Variants in NNT observed in about 807,000 individuals in gnomAD.
The protein encoded by NNT is NAD(P) transhydrogenase, mitochondrial.
A neutral mutation model predicts 104.8 loss-of-function variants in NNT; 50 were observed. That is an observed-to-expected ratio of 0.48 (90% CI 0.38 to 0.60). The LOEUF is 0.60. NNT is among the 20% of genes least tolerant of loss of function. NNT has a pLI of 0.00. For synonymous variants in NNT, 461 were observed against 490.4 expected, an observed-to-expected ratio of 0.94 and a Z score of 0.79; for missense variants, 1,131 against 1,330.7, an observed-to-expected ratio of 0.85 and a Z score of 2.33.
At position 43,631,272 on chromosome 5, in the gene NNT, C is replaced by A. The variant is rs79532812; in HGVS notation, c.964+2885C>A. Among the ~76,000 whole-genome samples the A allele has an allele frequency of 3.6e-3, 541 of 152,172 alleles. 9 individuals are homozygous for A. Among genetic ancestry groups the A allele is most frequent in the African/African-American group, 0.013 (531 of 41,522 alleles). Reference sequence around the variant, plus strand: ...GGAGGTGCATGCAGATCAGACAAACCCCGGACCCAGGATAGTGTTTGTGAA... The same window carrying A: ...GGAGGTGCATGCAGATCAGACAAACACCGGACCCAGGATAGTGTTTGTGAA... On this transcript the variant is annotated intron_variant, in intron 7 of 21. Coordinates refer to ENST00000344920, the MANE Select transcript of NNT (RefSeq NM_182977.3).
chr5:43,614,308 C>T (rs952700293), intron 3 of NNT, among the ~76,000 whole-genome samples: 2 of 152,128 alleles, frequency 1.3e-5, no homozygotes, highest in Non-Finnish European at 2.9e-5. Context: ...ACAGTACTAG[C>T]ATTAACAAAC....
intron 7 of NNT, among the ~76,000 whole-genome samples, chr5:43,637,353 C>A (rs1238426766): frequency 1.3e-5 from 2 of 152,048 alleles, no homozygotes; most frequent in East Asian, 1.9e-4. Context: ...TGTATAAAAA[C>A]CCTTTTGTTA....
intron 17 of NNT, among the ~76,000 whole-genome samples, chr5:43,673,061 G>T (rs1056453812): frequency 1.3e-5 from 2 of 152,240 alleles, no homozygotes; most frequent in African/African-American, 4.8e-5. Flanking sequence ...GCGAGGCTCT[G>T]TGGGCATGGG....
chr5:43,667,258 G>A (rs1283019012), intron 17 of NNT: 9 of 803,112 alleles, frequency 1.1e-5, no homozygotes, highest in Non-Finnish European at 1.5e-5. Context: ...TGCCGGTCCC[G>A]AAGTGCCTAG....
At chr5:43,640,148 A>G (rs1176947265) in intron 7 of NNT, among the ~76,000 whole-genome samples, 1 of 151,996 alleles carries the variant, frequency 6.6e-6, no homozygotes, top group Non-Finnish European at 1.5e-5. Flanking sequence ...TGTCAGAAAG[A>G]TGTGCTTATT....
At chr5:43,613,249 G>A (rs1265469928) in intron 3 of NNT, 112 bp downstream of exon 3, 2 of 830,860 alleles carry the variant, frequency 2.4e-6, no homozygotes, top group Non-Finnish European at 3.7e-6. Flanking sequence ...TTTTCAAACA[G>A]TGTATTTTTC....
At chr5:43,671,235 C>G (rs1449650667) in intron 17 of NNT, among the ~76,000 whole-genome samples, 1 of 152,126 alleles carries the variant, frequency 6.6e-6, no homozygotes, top group African/African-American at 2.4e-5. Flanking sequence ...GACTCTTTAT[C>G]CAATTTGCCA....
intron 15 of NNT, 103 bp from the exon 16 acceptor site, chr5:43,656,550 A>G (rs77528594): frequency 0.041 from 45,117 of 1,109,038 alleles, 1,428 homozygotes; most frequent in African/African-American, 0.15. Flanking sequence ...CAGCATCCTC[A>G]TAATCCTTGG....
rs370183266 is a variant in NNT at position 43,610,970 on chromosome 5, C to T, written c.151+1624C>T. ...AAGTCTATTTTTTCCTTAATATAAC[C>T]ATAAGTTCATTACCATATTGAAAAG... On this transcript the variant is annotated intron_variant, in intron 2 of 21. Coordinates refer to ENST00000344920, the MANE Select transcript of NNT (RefSeq NM_182977.3). 2.6e-5 allele frequency among the ~76,000 whole-genome samples: 4 copies of T among 152,058 alleles called. No homozygotes were observed. The South Asian group carries it at 6.2e-4, about 24-fold the overall frequency.
At chr5:43,701,372 T>C (rs550559965) in intron 20 of NNT, among the ~76,000 whole-genome samples, 1 of 152,320 alleles carries the variant, frequency 6.6e-6, no homozygotes, top group South Asian at 2.1e-4. Context: ...CTTAGGATAA[T>C]GGCCTCCAGC....
rs749072565 is a variant in NNT, at chr5:43,612,971, T to C, written c.215T>C (p.Val72Ala). ...PKEIFQNEKR[V>A]ALSPAGVQNL... ...GAGATATTCCAAAATGAGAAGCGAG[T>C]GGCATTGTCTCCTGCTGGTGTTCAG... Residue 72 changes from valine to alanine, a missense_variant, in exon 3 of 22, where the codon GTG becomes GCG. By Grantham distance (64) the Val-to-Ala change is moderately conservative. Transcript: ENST00000344920. 2.5e-6 allele frequency: 4 copies of C among 1,614,030 alleles called. No individual in the cohort carries two copies. In the East Asian group the frequency reaches 6.7e-5, roughly 27 times the overall value.
At chr5:43,656,964 T>C (rs1251835592) in intron 16 of NNT, 151 bp downstream of exon 16, 2 of 713,424 alleles carry the variant, frequency 2.8e-6, no homozygotes, top group East Asian at 5.6e-5. Flanking sequence ...TTTTAGAATC[T>C]GGAAAACATA....
At chr5:43,656,528 A>G (rs1227073750) in intron 15 of NNT, 125 bp from the exon 16 acceptor site, 20 of 845,834 alleles carry the variant, frequency 2.4e-5, no homozygotes, top group Admixed American at 3.3e-5. Context: ...TTGATAATAT[A>G]TGTGAACTAA....
intron 19 of NNT, among the ~76,000 whole-genome samples, chr5:43,693,973 T>TA (rs1323495986): frequency 6.6e-6 from 1 of 152,198 alleles, no homozygotes; most frequent in African/African-American, 2.4e-5. Context: ...TCAGTGCTAA[T>TA]AAAAAATACC....
chr5:43,668,244 GTTT>G (rs57590117), intron 17 of NNT, among the ~76,000 whole-genome samples: 10 of 138,320 alleles, frequency 7.2e-5, no homozygotes, highest in Non-Finnish European at 1.1e-4. Context: ...TCTGATGGTG[GTTT>G]TTTTTTTTTT....
At chr5:43,635,423 C>T (rs757601449) in intron 7 of NNT, among the ~76,000 whole-genome samples, 35 of 152,250 alleles carry the variant, frequency 2.3e-4, no homozygotes, top group Non-Finnish European at 3.8e-4. Flanking sequence ...ACACATCATT[C>T]TTGCTTTGCA....
At position 43,628,088 on chromosome 5, in the gene NNT, G is replaced by A. The variant is rs535321543; in HGVS notation, c.777-112G>A. The stretch of plus-strand genomic sequence containing the variant: ...TAAGTACGAAATCAAAGGGACTGTT[G>A]ACTTTTGAATATATAGTTTGTTGTT... On this transcript the variant is annotated intron_variant, in intron 6 of 21. Transcript: ENST00000344920. The A allele has an allele frequency of 1.2e-5, 9 of 777,630 alleles. No homozygotes were observed. The South Asian group carries it at 4.1e-4, about 35-fold the overall frequency. The allele number at this position is 777,630 out of a possible 1,614,324, so 48.2% of individuals were successfully genotyped here.
chr5:43,644,500 C>A, intron 8 of NNT, 111 bp from the exon 9 acceptor site: 1 of 1,140,060 alleles, frequency 8.8e-7, no homozygotes, highest in Non-Finnish European at 1.2e-6. Context: ...TATGTATATT[C>A]ATAAAGATAT....
rs1168571007 is a variant in NNT at position 43,619,105 on chromosome 5, G to C, written c.673G>C (p.Val225Leu). 1.9e-6 allele frequency: 3 copies of C among 1,547,676 alleles called. No homozygotes were observed. The East Asian group carries it at 7.0e-5, about 36-fold the overall frequency. ...TGGTCAGATCACAGCTGCTGGAAAA[G>C]TTCCTCCAGCTAAGGTAGGTACAAC... Reference protein sequence around the residue: ...FTGQITAAGKVPPAKILIVGG... With the variant: ...FTGQITAAGKLPPAKILIVGG... The change falls in exon 5 of 22, where the codon GTT becomes CTT. Residue 225 changes from valine (V) to leucine (L), a missense_variant. Coordinates refer to ENST00000344920, the MANE Select transcript of NNT (RefSeq NM_182977.3).
Sources: allele counts gnomAD v4.1 joint callset (sites outside exome capture counted in the v4.1 genomes callset), GRCh38; gene constraint gnomAD v4.1.1; transcripts MANE v1.5; gene names NCBI Gene and HGNC (gene_info 2026-07-23, HGNC 2026-07-21).